Variants in NCBP1 observed in about 807,000 individuals in gnomAD.
NCBP1 encodes the protein nuclear cap binding protein subunit 1, also known as nuclear cap-binding protein subunit 1.
In NCBP1, 16 loss-of-function variants were observed where a neutral mutation model predicts 111.7. That is an observed-to-expected ratio of 0.14 (90% confidence interval 0.10 to 0.22). The LOEUF is 0.22. Among genes scored for constraint, NCBP1 ranks in the 10% least tolerant of loss-of-function variants. The pLI is 1.00. For missense variants in NCBP1, 607 were observed against 957.5 expected, an observed-to-expected ratio of 0.63 and a Z score of 4.83; for synonymous variants, 304 against 314.3, an observed-to-expected ratio of 0.97 and a Z score of 0.35.
In NCBP1 at chr9:97,662,072, T is replaced by C. The variant is rs141653335; in HGVS notation, c.1631T>C (p.Ile544Thr). 8.1e-6 allele frequency: 13 copies of C among 1,613,646 alleles called. No individual in the cohort carries two copies. The highest frequency in any genetic ancestry group is 1.1e-5 in the South Asian group (1 of 91,054). Residue 544 changes from isoleucine to threonine, a missense_variant, in exon 17 of 23, where the codon ATA becomes ACA. Ile to Thr is a moderately conservative substitution (Grantham distance 89). Coordinates refer to ENST00000375147, the MANE Select transcript of NCBP1 (RefSeq NM_002486.5). ...GGATTCAGTTTTAACCCATTGAAAA[T>C]AGAAGTCTTTGTACAGACTCTGCTA... Reference protein sequence around the residue: ...DEGFSFNPLKIEVFVQTLLHL... With the variant: ...DEGFSFNPLKTEVFVQTLLHL...
chr9:97,656,216 G>T, intron 14 of NCBP1, 131 bp downstream of exon 14: 1 of 766,540 alleles, frequency 1.3e-6, no homozygotes, highest in Non-Finnish European at 2.1e-6. Context: ...TTTTAATCAA[G>T]ACTTAGGCTA....
Position 97,643,297 on chromosome 9 carries a change from A to G in NCBP1, c.318A>G (p.Glu106=). 1 of 1,609,758 alleles carries G rather than the reference A, an allele frequency of 6.2e-7. No homozygotes were observed. The highest frequency in any genetic ancestry group is 8.5e-7 in the Non-Finnish European group (1 of 1,178,738). The stretch of plus-strand genomic sequence containing the variant: ...ACAATTTTGGTGGAGAATTTGTAGA[A>G]GCCATGATTCGTCAACTTAAAGAAT... ...RNYNFGGEFV[E]AMIRQLKESL... Residue 106 remains glutamate (E), a synonymous_variant, in exon 4 of 23, where the codon GAA becomes GAG. Transcript: ENST00000375147.
At chr9:97,636,582 ATT>A (rs1827038860) in intron 1 of NCBP1, among the ~76,000 whole-genome samples, 1 of 144,532 alleles carries the variant, frequency 6.9e-6, no homozygotes, top group Admixed American at 7.0e-5. Context: ...TCTAATATAT[ATT>A]TTACATATAA....
At chr9:97,664,556 T>C (rs1827938045) in intron 19 of NCBP1, 113 bp downstream of exon 19, 4 of 647,210 alleles carry the variant, frequency 6.2e-6, no homozygotes, top group Non-Finnish European at 1.1e-5. Flanking sequence ...AATATACTAA[T>C]GGTCCAATCT....
At chr9:97,641,741 C>T in intron 3 of NCBP1, 79 bp downstream of exon 3, 2 of 1,344,512 alleles carry the variant, frequency 1.5e-6, no homozygotes, top group Non-Finnish European at 2.0e-6. Context: ...GTTCAAAATA[C>T]ATGTTTATGT....
chr9:97,651,275 G>C (rs751063831), intron 9 of NCBP1, 35 bp from the exon 10 acceptor site: 1 of 1,558,482 alleles, frequency 6.4e-7, no homozygotes, highest in Non-Finnish European at 8.7e-7. Flanking sequence ...TTGTGTCTTC[G>C]TATACTTATT....
intron 22 of NCBP1, among the ~76,000 whole-genome samples, chr9:97,670,590 C>G (rs1828159045): frequency 6.6e-6 from 1 of 152,216 alleles, no homozygotes. Flanking sequence ...TTTATAGTTA[C>G]TGCCAGTTTT....
chr9:97,658,400 G>A (rs1827733835), intron 14 of NCBP1, among the ~76,000 whole-genome samples: 1 of 152,156 alleles, frequency 6.6e-6, no homozygotes, highest in Non-Finnish European at 1.5e-5. Flanking sequence ...CACATACTTG[G>A]CCACCAGGCT....
Position 97,668,893 on chromosome 9 carries a change from TGAG to T in NCBP1, c.2067_2069del (p.Glu690del). 1 of 1,613,712 alleles carries T rather than the reference TGAG, an allele frequency of 6.2e-7. No individual in the cohort carries two copies. Among genetic ancestry groups the T allele is most frequent in the South Asian group, 1.1e-5 (1 of 91,064 alleles). Reference sequence around the variant, plus strand: ...GCAGTGACAGGAAAGACGGGGTTCTTGAGGAACAAATAGAACGACTTCAGGAAA... The same window carrying T: ...GCAGTGACAGGAAAGACGGGGTTCTTGAACAAATAGAACGACTTCAGGAAA... On this transcript the variant is annotated inframe_deletion, in exon 21 of 23. Coordinates refer to ENST00000375147, the MANE Select transcript of NCBP1 (RefSeq NM_002486.5).
chr9:97,637,021 A>G (rs994073530), intron 1 of NCBP1, among the ~76,000 whole-genome samples: 8 of 152,138 alleles, frequency 5.3e-5, no homozygotes, highest in Non-Finnish European at 1.0e-4. Context: ...CCTGAAGACT[A>G]TAGGGTTCCT....
intron 20 of NCBP1, among the ~76,000 whole-genome samples, chr9:97,667,466 G>A (rs1001954098): frequency 1.3e-5 from 2 of 152,162 alleles, no homozygotes; most frequent in Non-Finnish European, 2.9e-5. Flanking sequence ...GCAAGTTTGA[G>A]TACCAGTCTC....
chr9:97,657,885 G>GCGCTCT (rs1554694967), intron 14 of NCBP1, among the ~76,000 whole-genome samples: 40 of 113,992 alleles, frequency 3.5e-4, no homozygotes, highest in African/African-American at 1.4e-3. Context: ...GCCCCGGTAA[G>GCGCTCT]CTCTCTCTCT....
At chr9:97,653,413 G>T (rs928467250) in intron 10 of NCBP1, among the ~76,000 whole-genome samples, 2 of 152,118 alleles carry the variant, frequency 1.3e-5, no homozygotes, top group Non-Finnish European at 2.9e-5. Flanking sequence ...GAGCCACTGC[G>T]CCCAGCCTAA....
At chr9:97,662,913 A>C in intron 17 of NCBP1, 41 bp from the exon 18 acceptor site, 2 of 1,407,106 alleles carry the variant, frequency 1.4e-6, no homozygotes, top group Non-Finnish European at 2.0e-6. Flanking sequence ...ATGTTTAATG[A>C]ATAAGTATAT....
intron 7 of NCBP1, 36 bp downstream of exon 7, chr9:97,647,597 G>T (rs1474774177): frequency 6.6e-7 from 1 of 1,506,650 alleles, no homozygotes; most frequent in Non-Finnish European, 9.2e-7. Flanking sequence ...TACAAACACA[G>T]TCAGCTCTTG....
At chr9:97,645,564 A>G (rs1444987756) in intron 5 of NCBP1, 47 bp from the exon 6 acceptor site, 17 of 1,551,348 alleles carry the variant, frequency 1.1e-5, no homozygotes, top group Non-Finnish European at 1.5e-5. Context: ...ATATGAATGA[A>G]TATAATTAAA....
chr9:97,658,381 T>A (rs1827733400), intron 14 of NCBP1, among the ~76,000 whole-genome samples: 3 of 152,208 alleles, frequency 2.0e-5, no homozygotes, highest in African/African-American at 7.2e-5. Flanking sequence ...CCATGCCCCA[T>A]CATCACCCCA....
In NCBP1 at chr9:97,669,588, T is replaced by C; in HGVS notation, c.2146-5T>C. ...GTACTACCTTAACTTCTTCTCCCTT[T>C]CCAGCGGTTTATCATGATCTTGACC... On this transcript the variant is annotated splice_region_variant and splice_polypyrimidine_tract_variant and intron_variant, in intron 21 of 22. Coordinates refer to ENST00000375147, the MANE Select transcript of NCBP1 (RefSeq NM_002486.5). 1.3e-6 allele frequency: 2 copies of C among 1,590,250 alleles called. No homozygotes were observed. Among genetic ancestry groups the C allele is most frequent in the Admixed American group, 1.7e-5 (1 of 59,962 alleles).
intron 6 of NCBP1, among the ~76,000 whole-genome samples, chr9:97,646,573 C>T (rs983422500): frequency 9.2e-5 from 14 of 152,052 alleles, no homozygotes; most frequent in African/African-American, 2.9e-4. Context: ...CAGTGGCTCA[C>T]GCCTGTAATC....
Sources: gnomAD v4.1 joint callset for allele counts (sites outside exome capture counted in the v4.1 genomes callset) on GRCh38, gnomAD v4.1.1 for gene constraint, MANE v1.5 for transcripts, NCBI Gene and HGNC (gene_info 2026-07-23, HGNC 2026-07-21) for gene names.